The following COPG1 variants were observed in gnomAD, a reference collection of about 807,000 sequenced individuals.
COPG1 encodes the protein coatomer subunit gamma-1.
In COPG1, 29 loss-of-function variants were observed where a neutral mutation model predicts 102.8. The observed-to-expected ratio is 0.28, with a 90% CI of 0.21 to 0.38. COPG1 has a LOEUF of 0.38. COPG1 is among the 10% of genes least tolerant of loss of function. COPG1 has a pLI of 1.00. For synonymous variants in COPG1, 406 were observed against 421.6 expected, an observed-to-expected ratio of 0.96 and a Z score of 0.45; for missense variants, 875 against 1,132.7, an observed-to-expected ratio of 0.77 and a Z score of 3.27.
At chr3:129,254,364 A>G (rs1939763424) in intron 5 of COPG1, 1 of 305,256 alleles carries the variant, frequency 3.3e-6, no homozygotes, top group Non-Finnish European at 6.1e-6. Flanking sequence ...GAAACAGCAC[A>G]TGCAAAGGCT....
Position 129,275,961 on chromosome 3 carries a change from A to G in COPG1, c.2494+669A>G, listed in dbSNP as rs1940263856. 2.1e-5 allele frequency among the ~76,000 whole-genome samples: 3 copies of G among 145,104 alleles called. No individual in the cohort carries two copies. Among genetic ancestry groups the G allele is most frequent in the Admixed American group, 2.0e-4 (3 of 14,894 alleles). ...TCTTGCTATTACAGATGTTACAGTA[A>G]ATAATCGTGTACACACACACACACA... On this transcript the variant is annotated intron_variant, in intron 23 of 23. Coordinates refer to ENST00000314797, the MANE Select transcript of COPG1 (RefSeq NM_016128.4). The surrounding 1 kb of genome is among the most constrained non-coding windows in gnomAD (Gnocchi z 5.0).
chr3:129,272,156 A>G (rs1487950512), intron 19 of COPG1, 88 bp from the exon 20 acceptor site: 4 of 1,277,014 alleles, frequency 3.1e-6, no homozygotes, highest in Non-Finnish European at 2.2e-6. Context: ...CTTGGTCAAT[A>G]GGAAAGAGGT....
At position 129,272,787 on chromosome 3, in the gene COPG1, C is replaced by G. The variant is rs1457583100; in HGVS notation, c.2159-20C>G. The G allele has an allele frequency of 1.9e-6, 3 of 1,571,558 alleles. No homozygotes were observed. Among genetic ancestry groups the G allele is most frequent in the Non-Finnish European group, 2.6e-6 (3 of 1,142,824 alleles). ...TGCAGGCTGGGGACATCCTAACTACCCAGCCTCTCTTCCCCACAGTGGCCT... is the reference window on the plus strand; with the variant it reads ...TGCAGGCTGGGGACATCCTAACTACGCAGCCTCTCTTCCCCACAGTGGCCT... On this transcript the variant is annotated intron_variant, in intron 20 of 23. Transcript: ENST00000314797.
intron 1 of COPG1, among the ~76,000 whole-genome samples, chr3:129,250,258 A>T (rs1026702346): frequency 6.6e-6 from 1 of 152,234 alleles, no homozygotes; most frequent in Non-Finnish European, 1.5e-5. Context: ...TGAGCTAGGA[A>T]TATTAGAATG....
At chr3:129,269,057 T>C in intron 18 of COPG1, 57 bp downstream of exon 18, 1 of 1,457,050 alleles carries the variant, frequency 6.9e-7, no homozygotes, top group Non-Finnish European at 9.6e-7. Context: ...CTCAGGGGGT[T>C]CAAGAGTAAG....
chr3:129,272,044 A>G (rs759863249), intron 19 of COPG1, 135 bp downstream of exon 19: 1 of 1,121,940 alleles, frequency 8.9e-7, no homozygotes, highest in East Asian at 2.6e-5. Flanking sequence ...TCTGTCCCCA[A>G]CAGGTCGGTC....
chr3:129,263,014 C>CA (rs1299713396), intron 12 of COPG1, among the ~76,000 whole-genome samples: 8,744 of 53,590 alleles, frequency 0.16, 561 homozygotes, highest in African/African-American at 0.24. Context: ...GACTCCGTCT[C>CA]AAAAAAAAAA....
intron 12 of COPG1, among the ~76,000 whole-genome samples, chr3:129,263,001 C>T (rs1427855256): frequency 5.4e-5 from 7 of 130,806 alleles, no homozygotes; most frequent in Middle Eastern, 4.2e-3. Context: ...CCAGACAGAG[C>T]GAGACTCCGT....
Position 129,272,390 on chromosome 3 carries a change from A to G in COPG1, c.2133A>G (p.Ala711=). Residue 711 remains alanine (A), a synonymous_variant, in exon 20 of 24, where the codon GCA becomes GCG. Transcript: ENST00000314797. The stretch of plus-strand genomic sequence containing the variant: ...CCGGGACCTGCTACACACTGGTGGC[A>G]CTGCCCAAAGAAGACCCCACAGCTG... ...NQPGTCYTLV[A]LPKEDPTAVA... 1 of 1,613,926 alleles carries G rather than the reference A, an allele frequency of 6.2e-7. No individual in the cohort carries two copies. Among genetic ancestry groups the G allele is most frequent in the Non-Finnish European group, 8.5e-7 (1 of 1,179,926 alleles).
chr3:129,254,739 C>G lies in COPG1; in HGVS notation c.395C>G (p.Thr132Ser). 1 of 1,613,726 alleles carries G rather than the reference C, an allele frequency of 6.2e-7. No individual in the cohort carries two copies. The highest frequency in any genetic ancestry group is 8.5e-7 in the Non-Finnish European group (1 of 1,179,646). Residue 132 changes from threonine to serine, a missense_variant, in exon 6 of 24, where the codon ACT becomes AGT. By Grantham distance (58) the Thr-to-Ser change is moderately conservative. Transcript: ENST00000314797. Reference sequence around the variant, plus strand: ...GCCGTGCGAGCCCTCTGCCAGATCACTGATGTGAGTCGTGCCGGTTCCTCC... The same window carrying G: ...GCCGTGCGAGCCCTCTGCCAGATCAGTGATGTGAGTCGTGCCGGTTCCTCC... ...GPAVRALCQI[T>S]DSTMLQAIER...
intron 18 of COPG1, among the ~76,000 whole-genome samples, chr3:129,269,352 C>T (rs1376922831): frequency 1.3e-5 from 2 of 152,220 alleles, no homozygotes; most frequent in South Asian, 2.1e-4. Flanking sequence ...TACTTTTTGT[C>T]GGGTTCCACG....
Position 129,277,585 on chromosome 3 carries a change from G to A in COPG1, c.*161G>A, listed in dbSNP as rs1420549452. On this transcript the variant is annotated 3_prime_UTR_variant, in exon 24 of 24. Transcript: ENST00000314797. The stretch of plus-strand genomic sequence containing the variant: ...TATTCTGCTCCCACCTCCCACCCGG[G>A]ACTACTTGCTGGTGACTTTTTTTTT... The A allele has an allele frequency of 1.6e-6, 1 of 613,004 alleles. No individual in the cohort carries two copies. Among genetic ancestry groups the A allele is most frequent in the Non-Finnish European group, 2.6e-6 (1 of 378,586 alleles). 38.0% of individuals were successfully genotyped at this position (613,004 alleles called of 1,614,324 possible). A position where few individuals can be genotyped will look rare whatever the true frequency, so the allele number is the denominator to read the frequency against.
intron 5 of COPG1, 54 bp downstream of exon 5, chr3:129,253,009 T>C: frequency 6.7e-7 from 1 of 1,494,612 alleles, no homozygotes; most frequent in South Asian, 1.1e-5. Flanking sequence ...GACAGACCAT[T>C]TTTTTCTTGT....
chr3:129,271,781 G>C lies in COPG1; in HGVS notation c.1858G>C (p.Val620Leu). The change falls in exon 19 of 24, where the codon GTG (valine) becomes CTG (leucine). Residue 620 changes from valine (V) to leucine (L), a missense_variant. By Grantham distance (32) the Val-to-Leu change is conservative. Transcript: ENST00000314797. The surrounding 1 kb of genome is among the most constrained non-coding windows in gnomAD (Gnocchi z 4.7). ...GTGGATTTCAGAGCAGTTGGCAGCA[G>C]TGCCAGAGTTCCGCGGTCTTGGGCC... ...QEIFQEQLAA[V>L]PEFRGLGPLF... is the part of the protein sequence containing the mutation. 1.2e-6 allele frequency: 2 copies of C among 1,614,230 alleles called. No individual in the cohort carries two copies. Among genetic ancestry groups the C allele is most frequent in the Non-Finnish European group, 1.7e-6 (2 of 1,180,040 alleles).
rs1939715774 is a variant in COPG1, at chr3:129,252,304, C to T, written c.114C>T (p.Pro38=). The T allele has an allele frequency of 6.2e-7, 1 of 1,612,072 alleles. No homozygotes were observed. ...AGGCCCGTGTATTTAATGAAACTCCCATCAACCCTCGGAAATGTGCCCACA... is the reference window on the plus strand; with the variant it reads ...AGGCCCGTGTATTTAATGAAACTCCTATCAACCCTCGGAAATGTGCCCACA... The part of the protein sequence containing the change: ...LQEARVFNET[P]INPRKCAHIL... Residue 38 remains proline, a synonymous_variant, in exon 3 of 24, where the codon CCC becomes CCT. Transcript: ENST00000314797.
rs1165851348 is a variant in COPG1, at chr3:129,277,539, G to A, written c.*115G>A. The A allele has an allele frequency of 8.7e-7, 1 of 1,149,666 alleles. No homozygotes were observed. The highest frequency in any genetic ancestry group is 1.6e-5 in the African/African-American group (1 of 63,960). The allele number at this position is 1,149,666 out of a possible 1,614,324, so 71.2% of individuals were successfully genotyped here. A position where few individuals can be genotyped will look rare whatever the true frequency, so the allele number is the denominator to read the frequency against. On this transcript the variant is annotated 3_prime_UTR_variant, in exon 24 of 24. Transcript: ENST00000314797. ...AGCTTCTGTATTGAAAAACAATTAGGAATCATTGCAGATTTTTTTTTATTC... is the reference window on the plus strand; with the variant it reads ...AGCTTCTGTATTGAAAAACAATTAGAAATCATTGCAGATTTTTTTTTATTC...
chr3:129,266,805 G>A (rs1295183788), intron 14 of COPG1, among the ~76,000 whole-genome samples: 1 of 152,076 alleles, frequency 6.6e-6, no homozygotes, highest in Non-Finnish European at 1.5e-5. Context: ...CCCATCTGGC[G>A]CCCTTCTCCA....
At chr3:129,258,481 G>A (rs1425430390) in intron 10 of COPG1, among the ~76,000 whole-genome samples, 2 of 152,170 alleles carry the variant, frequency 1.3e-5, no homozygotes, top group Non-Finnish European at 2.9e-5. Flanking sequence ...TTTTTGAGAC[G>A]GAGTCTCACT....
chr3:129,253,753 TA>T (rs1178491509), intron 5 of COPG1, among the ~76,000 whole-genome samples: 1 of 151,872 alleles, frequency 6.6e-6, no homozygotes, highest in East Asian at 1.9e-4. Context: ...ATCCACAATG[TA>T]ATCCACAGAC....
Sources: gnomAD v4.1 joint callset for allele counts (sites outside exome capture counted in the v4.1 genomes callset) on GRCh38, gnomAD v4.1.1 for gene constraint, Gnocchi (gnomAD v3.1) non-coding constraint, MANE v1.5 for transcripts, NCBI Gene and HGNC (gene_info 2026-07-23, HGNC 2026-07-21) for gene names.